The following INSR variants were observed in gnomAD, a reference collection of about 807,000 sequenced individuals.
INSR encodes insulin receptor, also known as IR.
A neutral mutation model predicts 142.6 loss-of-function variants in INSR; 67 were observed. The observed-to-expected ratio is 0.47, with a 90% CI of 0.39 to 0.58. The LOEUF is 0.58. INSR is among the 20% of genes least tolerant of loss of function. The pLI is 0.00. For missense variants in INSR, 1,248 were observed against 1,833.2 expected, an observed-to-expected ratio of 0.68 and a Z score of 5.83; for synonymous variants, 756 against 743.1, an observed-to-expected ratio of 1.02 and a Z score of -0.28.
At chr19:7,226,847 T>C (rs1975803813) in intron 2 of INSR, among the ~76,000 whole-genome samples, 1 of 151,642 alleles carries the variant, frequency 6.6e-6, no homozygotes. Context: ...ATAAAAAAAA[T>C]TCTTTAAGCT....
At chr19:7,131,911 T>G (rs1972791790) in intron 14 of INSR, among the ~76,000 whole-genome samples, 1 of 150,470 alleles carries the variant, frequency 6.6e-6, no homozygotes, top group Non-Finnish European at 1.5e-5. Context: ...GGTGGGAGAA[T>G]CACTTGAACC....
chr19:7,136,995 G>A (rs1317808891), intron 13 of INSR, among the ~76,000 whole-genome samples: 5 of 151,658 alleles, frequency 3.3e-5, no homozygotes, highest in African/African-American at 4.9e-5. Flanking sequence ...ACCACGCCCG[G>A]CTAATTTTTG....
chr19:7,209,231 C>A (rs922784598), intron 2 of INSR, among the ~76,000 whole-genome samples: 3 of 152,216 alleles, frequency 2.0e-5, no homozygotes, highest in African/African-American at 7.2e-5. Flanking sequence ...GAAGCTGAAG[C>A]AGGAGGATTG....
intron 2 of INSR, among the ~76,000 whole-genome samples, chr19:7,251,567 T>C (rs1052159113): frequency 9.7e-6 from 1 of 103,596 alleles, no homozygotes; most frequent in African/African-American, 4.0e-5. Flanking sequence ...GGCCATCAAT[T>C]TTTTTTTTTA....
intron 2 of INSR, among the ~76,000 whole-genome samples, chr19:7,221,406 AAAG>A (rs1555754882): frequency 8.4e-6 from 1 of 118,514 alleles, no homozygotes; most frequent in African/African-American, 3.1e-5. Context: ...GAGGAGGAGG[AAAG>A]AAGAAGAAGA....
intron 3 of INSR, among the ~76,000 whole-genome samples, chr19:7,183,263 GGTGTGTGT>G (rs71177167): frequency 4.4e-4 from 64 of 146,514 alleles, no homozygotes; most frequent in East Asian, 1.2e-3. Context: ...GTTGTTTTGT[GGTGTGTGT>G]GTGTGTGTGT....
chr19:7,240,868 C>T (rs570787972), intron 2 of INSR, among the ~76,000 whole-genome samples: 17 of 152,250 alleles, frequency 1.1e-4, no homozygotes, highest in Middle Eastern at 3.4e-3. Context: ...ATGAATTTAA[C>T]GTTTAGACCT....
chr19:7,140,506 C>G (rs1428478341), intron 13 of INSR, among the ~76,000 whole-genome samples: 1 of 152,150 alleles, frequency 6.6e-6, no homozygotes, highest in Non-Finnish European at 1.5e-5. Context: ...TTGGCAGTTT[C>G]TGGATTGAAA....
At chr19:7,237,666 A>T (rs1275301210) in intron 2 of INSR, among the ~76,000 whole-genome samples, 1 of 151,834 alleles carries the variant, frequency 6.6e-6, no homozygotes, top group Non-Finnish European at 1.5e-5. Flanking sequence ...AATACAAAAA[A>T]TTAGCCAGGC....
chr19:7,158,931 T>C (rs113613284), intron 9 of INSR, among the ~76,000 whole-genome samples: 2,892 of 148,926 alleles, frequency 0.019, 86 homozygotes, highest in African/African-American at 0.071. Flanking sequence ...TTTGGTGGAG[T>C]CTTGCTCTGT....
chr19:7,119,803 AAC>A lies in INSR; in HGVS notation c.3660-222_3660-221del, dbSNP rs1436237106. Among the ~76,000 whole-genome samples, 5 of 132,554 alleles carry A rather than the reference AAC, an allele frequency of 3.8e-5. No individual in the cohort carries two copies. The highest frequency in any genetic ancestry group is 3.4e-3 in the Middle Eastern group (1 of 294). 87.0% of individuals were successfully genotyped at this position (132,554 alleles called of 152,430 possible). ...GCACACATGCACACACAAATATGCA[AAC>A]ACACAAACACATATACACACACAAA... On this transcript the variant is annotated intron_variant, in intron 20 of 21. Transcript: ENST00000302850. This position sits in a 1 kb window ranked among gnomAD's most constrained non-coding sequence, Gnocchi z 5.2.
At chr19:7,276,700 G>A (rs944111089) in intron 1 of INSR, among the ~76,000 whole-genome samples, 1 of 151,898 alleles carries the variant, frequency 6.6e-6, no homozygotes, top group African/African-American at 2.4e-5. Context: ...CCCTCTGCAC[G>A]CCTTAGTTTC....
At chr19:7,277,567 G>A (rs1968097710) in intron 1 of INSR, among the ~76,000 whole-genome samples, 1 of 152,168 alleles carries the variant, frequency 6.6e-6, no homozygotes, top group Non-Finnish European at 1.5e-5. Flanking sequence ...GGAGGCATAG[G>A]CGGGTGGACT....
intron 2 of INSR, among the ~76,000 whole-genome samples, chr19:7,197,869 T>C (rs66921136): frequency 0.72 from 76,964 of 106,246 alleles, 28,772 homozygotes; most frequent in African/African-American, 0.79. Context: ...AGAGAGTGTG[T>C]GCGCGTGTGT....
At chr19:7,118,835 A>G (rs1297042695) in intron 21 of INSR, among the ~76,000 whole-genome samples, 2 of 148,794 alleles carry the variant, frequency 1.3e-5, no homozygotes, top group African/African-American at 5.0e-5. Context: ...GAATGGTGTG[A>G]ACCCGGGAGG....
intron 2 of INSR, among the ~76,000 whole-genome samples, chr19:7,207,024 G>A (rs1470820835): frequency 6.6e-6 from 1 of 152,000 alleles, no homozygotes; most frequent in East Asian, 1.9e-4. Flanking sequence ...ATAATTTGAG[G>A]GCCATTGGGA....
At chr19:7,213,989 C>CAAAAAAA (rs532464276) in intron 2 of INSR, among the ~76,000 whole-genome samples, 1 of 141,008 alleles carries the variant, frequency 7.1e-6, no homozygotes, top group African/African-American at 2.6e-5. Flanking sequence ...GACTTTGTCT[C>CAAAAAAA]AAAAAAAAAA....
At chr19:7,252,751 G>A (rs1162535659) in intron 2 of INSR, among the ~76,000 whole-genome samples, 2 of 152,112 alleles carry the variant, frequency 1.3e-5, no homozygotes, top group Non-Finnish European at 2.9e-5. Flanking sequence ...CACTCAATAA[G>A]CCATGGAGTC....
intron 2 of INSR, among the ~76,000 whole-genome samples, chr19:7,208,790 G>C (rs912086280): frequency 6.7e-6 from 1 of 149,606 alleles, no homozygotes; most frequent in African/African-American, 2.5e-5. Context: ...CGGATCACGA[G>C]GTCAGGAAAT....
Sources: allele counts gnomAD v4.1 joint callset (sites outside exome capture counted in the v4.1 genomes callset), GRCh38; gene constraint gnomAD v4.1.1; non-coding constraint Gnocchi (gnomAD v3.1); transcripts MANE v1.5; gene names NCBI Gene and HGNC (gene_info 2026-07-23, HGNC 2026-07-21).